OPA1: variants seen among roughly 807,000 people sequenced by gnomAD.
The protein encoded by OPA1 is dynamin-like GTPase OPA1, mitochondrial.
Under a neutral mutation model 152.9 loss-of-function variants are expected in OPA1, and 59 were observed. The observed-to-expected ratio is 0.39, with a 90% confidence interval of 0.31 to 0.48. The LOEUF (loss-of-function observed/expected upper bound fraction) is 0.48. Among genes scored for constraint, OPA1 ranks in the 20% least tolerant of loss-of-function variants. OPA1 has a pLI of 0.96. For missense variants in OPA1, 1,008 were observed against 1,216.8 expected (o/e 0.83, Z 2.55); for synonymous variants, 400 against 389.9 (o/e 1.03, Z -0.31).
chr3:193,656,190 CAG>C (rs1403744607), intron 22 of OPA1, among the ~76,000 whole-genome samples: 2 of 152,152 alleles, frequency 1.3e-5, no homozygotes, highest in Non-Finnish European at 2.9e-5. Flanking sequence ...AAGGTTCAAG[CAG>C]TGGAAGTGGT....
intron 23 of OPA1, among the ~76,000 whole-genome samples, chr3:193,657,964 G>A (rs757459916): frequency 3.9e-5 from 6 of 152,162 alleles, no homozygotes; most frequent in Non-Finnish European, 7.3e-5. Flanking sequence ...TTGTCTTTAT[G>A]GCCGGGCGTG....
intron 29 of OPA1, among the ~76,000 whole-genome samples, chr3:193,686,123 G>A (rs1422190233): frequency 6.6e-6 from 1 of 152,204 alleles, no homozygotes; most frequent in Non-Finnish European, 1.5e-5. Flanking sequence ...GTCTACAACA[G>A]TGCAGTTACA....
Position 193,643,527 on chromosome 3 carries a change from G to A in OPA1, c.1378-1G>A. 1 of 1,613,348 alleles carries A rather than the reference G, an allele frequency of 6.2e-7. No homozygotes were observed. The highest frequency in any genetic ancestry group is 8.5e-7 in the Non-Finnish European group (1 of 1,179,550). On this transcript the variant is annotated splice_acceptor_variant, in intron 14 of 30. Transcript: ENST00000361510. LOFTEE classifies it high-confidence loss of function. ...TGACATTTAAAACCTTTTTCTTTAA[G>A]ACTGTGACATCAGGCATGGCTCCTG... is the stretch of plus-strand genomic sequence containing the variant.
At chr3:193,693,705 T>C (rs530972180) in intron 30 of OPA1, among the ~76,000 whole-genome samples, 31 of 152,356 alleles carry the variant, frequency 2.0e-4, no homozygotes, top group African/African-American at 7.2e-4. Flanking sequence ...TAACACAAGC[T>C]AAACATAATT....
At chr3:193,643,345 T>G in intron 13 of OPA1, 28 bp from the exon 14 acceptor site, 2 of 1,540,688 alleles carry the variant, frequency 1.3e-6, no homozygotes, top group Non-Finnish European at 1.8e-6. Flanking sequence ...AACTTTAGCA[T>G]TGTTTTATTT....
intron 27 of OPA1, among the ~76,000 whole-genome samples, chr3:193,665,845 T>G (rs1716407689): frequency 6.6e-6 from 1 of 152,186 alleles, no homozygotes; most frequent in Non-Finnish European, 1.5e-5. Context: ...TTCTGTAGAA[T>G]AAGCTTCTTT....
intron 1 of OPA1, among the ~76,000 whole-genome samples, chr3:193,605,767 A>G (rs1402805452): frequency 3.3e-5 from 5 of 152,194 alleles, no homozygotes; most frequent in Admixed American, 6.5e-5. Flanking sequence ...TCACGTAGTA[A>G]AAAACTGTGT....
chr3:193,632,215 C>T (rs2108983410), intron 8 of OPA1, among the ~76,000 whole-genome samples: 1 of 152,356 alleles, frequency 6.6e-6, no homozygotes, highest in South Asian at 2.1e-4. Flanking sequence ...GGCACGGTGG[C>T]TCACGCCTGT....
rs104893752 is a variant in OPA1, at chr3:193,638,015, C to T, written c.1099C>T (p.Arg367Ter). Reference sequence around the variant, plus strand: ...TGTGTTGGAAATGATTGCCCAAGCTCGAATATTCCCAAGAGGATCTGGGGA... The same window carrying T: ...TGTGTTGGAAATGATTGCCCAAGCTTGAATATTCCCAAGAGGATCTGGGGA... ...TSVLEMIAQA[R>*]IFPRGSGEMM... Residue 367 changes from arginine to a stop codon, truncating the protein, a stop_gained, in exon 11 of 31, where the codon CGA (arginine) becomes TGA (stop). Coordinates refer to ENST00000361510, the MANE Select transcript of OPA1 (RefSeq NM_130837.3). LOFTEE classifies it high-confidence loss of function. 2 of 1,614,048 alleles carry T rather than the reference C, an allele frequency of 1.2e-6. No individual in the cohort carries two copies. Among genetic ancestry groups the T allele is most frequent in the Non-Finnish European group, 1.7e-6 (2 of 1,179,972 alleles).
chr3:193,653,573 C>T (rs553938405), intron 21 of OPA1, among the ~76,000 whole-genome samples: 2 of 151,802 alleles, frequency 1.3e-5, no homozygotes, highest in East Asian at 3.9e-4. Flanking sequence ...TATTAGTGAC[C>T]CATGTTCTTT....
At chr3:193,643,927 T>TACGTAAAGTAG in intron 15 of OPA1, 48 bp from the exon 16 acceptor site, 1 of 1,598,278 alleles carries the variant, frequency 6.3e-7, no homozygotes. Context: ...TTTAAAAGTC[T>TACGTAAAGTAG]ACTTTACATC....
Position 193,659,469 on chromosome 3 carries a change from T to G in OPA1, c.2441-13T>G, listed in dbSNP as rs773828534. On this transcript the variant is annotated splice_polypyrimidine_tract_variant and intron_variant, in intron 24 of 30. Transcript: ENST00000361510. ...AGTGATAAAATTCTTGATTAATTAA[T>G]TTTTTTTTCTAGCTGAAAATGCAAT... The G allele has an allele frequency of 2.5e-6, 4 of 1,578,000 alleles. No individual in the cohort carries two copies. The South Asian group carries it at 4.5e-5, about 18-fold the overall frequency.
chr3:193,659,459 GATTA>G lies in OPA1; in HGVS notation c.2441-15_2441-12del, dbSNP rs777251048. 5.7e-6 allele frequency: 9 copies of G among 1,571,102 alleles called. No individual in the cohort carries two copies. The highest frequency in any genetic ancestry group is 4.6e-5 in the East Asian group (2 of 43,216). ...TGTGTGTGTAAGTGATAAAATTCTT[GATTA>G]ATTAATTTTTTTTTCTAGCTGAAAA... On this transcript the variant is annotated intron_variant, in intron 24 of 30. Coordinates refer to ENST00000361510, the MANE Select transcript of OPA1 (RefSeq NM_130837.3).
intron 21 of OPA1, among the ~76,000 whole-genome samples, chr3:193,653,438 G>A (rs1713022512): frequency 6.6e-6 from 1 of 152,054 alleles, no homozygotes; most frequent in Non-Finnish European, 1.5e-5. Flanking sequence ...ATCCTAAAGG[G>A]TTGAGATTAT....
At position 193,695,316 on chromosome 3, in the gene OPA1, T is replaced by G. The variant is rs1367924330; in HGVS notation, c.*716T>G. On this transcript the variant is annotated 3_prime_UTR_variant, in exon 31 of 31. Transcript: ENST00000361510. ...TCTCTATATCCATTTGAAATTGATT[T>G]ATTTTAGATGTTGTATACTTACGTT... 1 of 152,220 alleles carries G rather than the reference T, an allele frequency of 6.6e-6. No homozygotes were observed. Among genetic ancestry groups the G allele is most frequent in the Non-Finnish European group, 1.5e-5 (1 of 68,026 alleles). 9.4% of individuals were successfully genotyped at this position (152,220 alleles called of 1,614,324 possible).
At chr3:193,642,445 A>G (rs909263547) in intron 11 of OPA1, among the ~76,000 whole-genome samples, 8 of 152,204 alleles carry the variant, frequency 5.3e-5, no homozygotes, top group African/African-American at 1.9e-4. Flanking sequence ...TAGAGAGATG[A>G]TTTTGGGCTT....
chr3:193,625,820 T>C (rs1270756917), intron 6 of OPA1, among the ~76,000 whole-genome samples: 1 of 152,104 alleles, frequency 6.6e-6, no homozygotes, highest in Non-Finnish European at 1.5e-5. Flanking sequence ...ATTTTTTATA[T>C]ATCTGGATCA....
At chr3:193,601,195 G>A (rs577357459) in intron 1 of OPA1, among the ~76,000 whole-genome samples, 2 of 152,124 alleles carry the variant, frequency 1.3e-5, no homozygotes, top group South Asian at 4.2e-4. Context: ...CGTACAAATG[G>A]TACTTCACTA....
At chr3:193,656,077 C>A (rs1486410620) in intron 22 of OPA1, among the ~76,000 whole-genome samples, 1 of 152,106 alleles carries the variant, frequency 6.6e-6, no homozygotes, top group Non-Finnish European at 1.5e-5. Flanking sequence ...CACATTTACC[C>A]CTGAAGAAGT....
Sources: gnomAD v4.1 joint callset for allele counts (sites outside exome capture counted in the v4.1 genomes callset) on GRCh38, gnomAD v4.1.1 for gene constraint, MANE v1.5 for transcripts, NCBI Gene and HGNC (gene_info 2026-07-23, HGNC 2026-07-21) for gene names.